The following NEGR1 variants were observed in gnomAD, a reference collection of about 807,000 sequenced individuals.
The protein encoded by NEGR1 is IgLON family member 4.
In NEGR1, 10 loss-of-function variants were observed where a neutral mutation model predicts 40.9. That is an observed-to-expected ratio of 0.24 (90% confidence interval 0.15 to 0.42). NEGR1 has a LOEUF of 0.42. Among genes scored for constraint, NEGR1 ranks in the 10% least tolerant of loss-of-function variants. The pLI is 1.00. For missense variants in NEGR1, 352 were observed against 438.9 expected (o/e 0.80, Z 1.77); for synonymous variants, 185 against 166.8 (o/e 1.11, Z -0.84).
chr1:72,244,410 T>C (rs1408083342), intron 1 of NEGR1, among the ~76,000 whole-genome samples: 1 of 151,970 alleles, frequency 6.6e-6, no homozygotes, highest in Non-Finnish European at 1.5e-5. Flanking sequence ...TTTTTCAATA[T>C]GTACATACAT....
chr1:72,054,043 A>G (rs1284410340), intron 1 of NEGR1, among the ~76,000 whole-genome samples: 1 of 151,284 alleles, frequency 6.6e-6, no homozygotes, highest in East Asian at 1.9e-4. Context: ...AACCTGCTAG[A>G]CTTAATTAGC....
chr1:72,141,208 A>G (rs1188323696), intron 1 of NEGR1, among the ~76,000 whole-genome samples: 1 of 152,016 alleles, frequency 6.6e-6, no homozygotes, highest in Non-Finnish European at 1.5e-5. Context: ...ATTATAATAT[A>G]GGCCATAAAC....
At chr1:71,748,205 C>T (rs904979714) in intron 3 of NEGR1, among the ~76,000 whole-genome samples, 2 of 152,086 alleles carry the variant, frequency 1.3e-5, no homozygotes, top group Non-Finnish European at 2.9e-5. Context: ...GTGTTCTTTC[C>T]ATTTTCCCTA....
intron 3 of NEGR1, among the ~76,000 whole-genome samples, chr1:71,772,906 C>A (rs989815361): frequency 1.3e-5 from 2 of 152,056 alleles, no homozygotes; most frequent in Admixed American, 1.3e-4. Context: ...TTTCTGTAAC[C>A]TTTTAAAACA....
intron 2 of NEGR1, among the ~76,000 whole-genome samples, chr1:71,846,412 C>T (rs1035729047): frequency 4.9e-5 from 6 of 121,388 alleles, no homozygotes; most frequent in African/African-American, 1.6e-4. Flanking sequence ...CAAACACACA[C>T]ACAAACACAC....
rs116734687 is a variant in NEGR1 at position 72,128,768 on chromosome 1, G to T, written c.176+153551C>A. Reference sequence around the variant, plus strand: ...TGGTTAACATTGCCCAAATATTTTCGGTAAACATTATTTCTGGGTATGCCC... The same window carrying T: ...TGGTTAACATTGCCCAAATATTTTCTGTAAACATTATTTCTGGGTATGCCC... On this transcript the variant is annotated intron_variant, in intron 1 of 6. Coordinates refer to ENST00000357731, the MANE Select transcript of NEGR1 (RefSeq NM_173808.3). 2.0e-5 allele frequency among the ~76,000 whole-genome samples: 3 copies of T among 151,926 alleles called. No homozygotes were observed. The South Asian group carries it at 6.2e-4, about 32-fold the overall frequency.
intron 3 of NEGR1, among the ~76,000 whole-genome samples, chr1:71,722,659 A>G (rs1654547807): frequency 6.6e-6 from 1 of 152,084 alleles, no homozygotes; most frequent in African/African-American, 2.4e-5. Flanking sequence ...TTATTTCTTT[A>G]CTTAGCTACA....
rs540095646 is a variant in NEGR1, at chr1:72,282,449, A to G, written c.46T>C (p.Trp16Arg). Residue 16 changes from tryptophan (W) to arginine (R), a missense_variant, in exon 1 of 7, where the codon TGG becomes CGG. Physicochemically the swap from Trp to Arg is moderately radical, Grantham distance 101. Transcript: ENST00000357731. ...LVQGACCSNQ[W>R]LAAVLLSLCC... ...AGGCTGAGGAGCACCGCCGCCAGCC[A>G]CTGGTTCGAGCAACAAGCACCCTGC... 2.5e-6 allele frequency: 4 copies of G among 1,613,756 alleles called. No individual in the cohort carries two copies. The South Asian group carries it at 4.4e-5, about 18-fold the overall frequency.
chr1:71,780,844 A>T (rs2101723642), intron 2 of NEGR1, among the ~76,000 whole-genome samples: 1 of 152,302 alleles, frequency 6.6e-6, no homozygotes, highest in South Asian at 2.1e-4. Flanking sequence ...AATGTAGGCA[A>T]TTTGACTTAC....
chr1:72,141,016 T>C (rs1454104732), intron 1 of NEGR1, among the ~76,000 whole-genome samples: 2 of 152,176 alleles, frequency 1.3e-5, no homozygotes, highest in African/African-American at 2.4e-5. Context: ...AACCCTGACA[T>C]TGTGTACACT....
At chr1:72,135,695 C>A (rs1275974644) in intron 1 of NEGR1, among the ~76,000 whole-genome samples, 1 of 152,116 alleles carries the variant, frequency 6.6e-6, no homozygotes, top group African/African-American at 2.4e-5. Flanking sequence ...AGAGAAAGGA[C>A]CCCAATATTT....
intron 6 of NEGR1, among the ~76,000 whole-genome samples, chr1:71,540,195 C>T (rs961679374): frequency 6.6e-6 from 1 of 151,708 alleles, no homozygotes; most frequent in African/African-American, 2.4e-5. Flanking sequence ...CTTCCATTAT[C>T]ACAGAAGAAT....
chr1:72,022,781 C>T (rs1646772778), intron 1 of NEGR1, among the ~76,000 whole-genome samples: 2 of 152,070 alleles, frequency 1.3e-5, no homozygotes, highest in Admixed American at 1.3e-4. Context: ...TGCCACTATT[C>T]ACAGACGATA....
intron 6 of NEGR1, among the ~76,000 whole-genome samples, chr1:71,586,969 C>G (rs1043672829): frequency 6.6e-6 from 1 of 151,970 alleles, no homozygotes; most frequent in East Asian, 1.9e-4. Flanking sequence ...CTCAAAGCTG[C>G]GAGGATAAAG....
At chr1:71,794,526 A>T (rs529243046) in intron 2 of NEGR1, 2 of 152,226 alleles carry the variant, frequency 1.3e-5, no homozygotes, top group African/African-American at 4.8e-5. Flanking sequence ...GGTGCTAGGC[A>T]ATTGTCTACC....
At chr1:72,193,595 C>T (rs1182043729) in intron 1 of NEGR1, among the ~76,000 whole-genome samples, 1 of 151,376 alleles carries the variant, frequency 6.6e-6, no homozygotes, top group Non-Finnish European at 1.5e-5. Flanking sequence ...CTTAAAAGAT[C>T]AAAATATATT....
chr1:71,988,921 G>GT (rs1248939764), intron 1 of NEGR1, among the ~76,000 whole-genome samples: 1 of 75,742 alleles, frequency 1.3e-5, no homozygotes, highest in Non-Finnish European at 2.1e-5. Flanking sequence ...CATATTGGAT[G>GT]TTAAAAAAAA....
At chr1:71,838,177 G>A (rs935933229) in intron 2 of NEGR1, among the ~76,000 whole-genome samples, 3 of 151,942 alleles carry the variant, frequency 2.0e-5, no homozygotes, top group Admixed American at 6.6e-5. Flanking sequence ...GTTAGTATAC[G>A]CTTTTGAGAA....
At chr1:71,805,888 T>G (rs1237017146) in intron 2 of NEGR1, among the ~76,000 whole-genome samples, 1 of 152,214 alleles carries the variant, frequency 6.6e-6, no homozygotes, top group Non-Finnish European at 1.5e-5. Flanking sequence ...GCAAACTGCT[T>G]AAGTTCTCAT....
Sources: allele counts gnomAD v4.1 joint callset (sites outside exome capture counted in the v4.1 genomes callset), GRCh38; gene constraint gnomAD v4.1.1; transcripts MANE v1.5; gene names NCBI Gene and HGNC (gene_info 2026-07-23, HGNC 2026-07-21).